The following PDE10A variants were observed in gnomAD, a reference collection of about 807,000 sequenced individuals.
PDE10A encodes the protein phosphodiesterase 10A, also known as cAMP and cAMP-inhibited cGMP 3',5'-cyclic phosphodiesterase 10A.
Under a neutral mutation model 97.7 loss-of-function variants are expected in PDE10A, and 39 were observed. The observed-to-expected ratio is 0.40, with a 90% CI of 0.31 to 0.52. PDE10A has a LOEUF of 0.52. Among genes scored for constraint, PDE10A ranks in the 20% least tolerant of loss-of-function variants. The probability of loss-of-function intolerance (pLI) is 0.56; values close to 1 mark genes in which losing one functional copy is unlikely to be tolerated. For missense variants in PDE10A, 731 were observed against 1,047.8 expected (o/e 0.70, Z 4.17); for synonymous variants, 371 against 376.8 (o/e 0.98, Z 0.18).
At chr6:165,753,714 C>T (rs901302640) in intron 1 of PDE10A, among the ~76,000 whole-genome samples, 5 of 152,048 alleles carry the variant, frequency 3.3e-5, no homozygotes, top group African/African-American at 9.7e-5. Context: ...TTAAGTGACA[C>T]AACTTCATTT....
chr6:165,425,581 T>C (rs1789067073), intron 10 of PDE10A, among the ~76,000 whole-genome samples: 1 of 152,086 alleles, frequency 6.6e-6, no homozygotes, highest in Non-Finnish European at 1.5e-5. Context: ...AAAAATCATA[T>C]TTAACGGCAA....
intron 1 of PDE10A, among the ~76,000 whole-genome samples, chr6:165,704,434 C>A (rs1318923515): frequency 6.6e-6 from 1 of 152,150 alleles, no homozygotes; most frequent in Non-Finnish European, 1.5e-5. Context: ...ATAATAGGGA[C>A]CTAGATGTTG....
At chr6:165,386,149 C>A (rs1252044067) in intron 17 of PDE10A, among the ~76,000 whole-genome samples, 2 of 152,154 alleles carry the variant, frequency 1.3e-5, no homozygotes, top group Admixed American at 6.5e-5. Flanking sequence ...GCAAGCCCCA[C>A]ATCGCGGAGG....
chr6:165,372,140 T>C (rs1272942258), intron 18 of PDE10A, among the ~76,000 whole-genome samples: 3 of 147,776 alleles, frequency 2.0e-5, no homozygotes, highest in Admixed American at 1.4e-4. Context: ...GGGCAAAAAC[T>C]GGAAGCATTC....
chr6:165,944,221 A>C (rs188884104), intron 1 of PDE10A, among the ~76,000 whole-genome samples: 49 of 152,280 alleles, frequency 3.2e-4, no homozygotes, highest in African/African-American at 1.2e-3. Context: ...CCATAATTCA[A>C]TTACCTCTCA....
At chr6:165,523,098 T>A (rs182785720) in intron 2 of PDE10A, among the ~76,000 whole-genome samples, 2 of 151,988 alleles carry the variant, frequency 1.3e-5, no homozygotes, top group East Asian at 3.9e-4. Flanking sequence ...AAGAGAACTA[T>A]GAAACACTGA....
chr6:165,962,166 A>C (rs992280265), intron 1 of PDE10A, among the ~76,000 whole-genome samples: 1 of 152,236 alleles, frequency 6.6e-6, no homozygotes, highest in African/African-American at 2.4e-5. Context: ...GCCTCTGTGC[A>C]TGGTGCACAT....
intron 1 of PDE10A, among the ~76,000 whole-genome samples, chr6:165,645,394 A>T (rs1201927892): frequency 6.6e-6 from 1 of 152,178 alleles, no homozygotes; most frequent in Non-Finnish European, 1.5e-5. Flanking sequence ...GTGGGCAAGG[A>T]AACCCAAATA....
chr6:165,958,033 G>A (rs936068162), intron 1 of PDE10A, among the ~76,000 whole-genome samples: 4 of 152,258 alleles, frequency 2.6e-5, no homozygotes, highest in Non-Finnish European at 5.9e-5. Context: ...TTCCATTCCA[G>A]GAGAAAATTA....
chr6:165,834,214 C>A (rs978633635), intron 1 of PDE10A, among the ~76,000 whole-genome samples: 1 of 152,214 alleles, frequency 6.6e-6, no homozygotes, highest in Non-Finnish European at 1.5e-5. Context: ...GCCAGGTACC[C>A]AGGTGACACT....
chr6:165,645,652 G>A (rs1367156482), intron 1 of PDE10A, among the ~76,000 whole-genome samples: 1 of 151,962 alleles, frequency 6.6e-6, no homozygotes, highest in African/African-American at 2.4e-5. Flanking sequence ...TGAGGAGTTC[G>A]AGACCAGCCT....
intron 1 of PDE10A, among the ~76,000 whole-genome samples, chr6:165,644,606 C>T (rs1205746240): frequency 2.0e-5 from 3 of 152,204 alleles, no homozygotes; most frequent in African/African-American, 7.2e-5. Flanking sequence ...CTTGATCACC[C>T]GTCTTCTAAC....
intron 1 of PDE10A, among the ~76,000 whole-genome samples, chr6:165,617,884 C>A (rs998300369): frequency 2.6e-5 from 4 of 152,000 alleles, no homozygotes; most frequent in African/African-American, 4.8e-5. Context: ...AATGATCACA[C>A]AAAAAATTAA....
At chr6:165,451,965 C>G (rs1329811744) in intron 3 of PDE10A, among the ~76,000 whole-genome samples, 2 of 152,180 alleles carry the variant, frequency 1.3e-5, no homozygotes, top group South Asian at 2.1e-4. Flanking sequence ...GTTGAAACCT[C>G]AGAACTTCCC....
rs570910244 is a variant in PDE10A at position 165,421,917 on chromosome 6, C to T, written c.1654-3140G>A. ...TCTCTACTAAAAATACAAAAATTAG[C>T]TGCGCATGGTGGCATGCGTCTGTTG... On this transcript the variant is annotated intron_variant, in intron 10 of 21. Transcript: ENST00000539869. 5.2e-4 allele frequency among the ~76,000 whole-genome samples: 79 copies of T among 152,246 alleles called. 1 individual carries two copies. The highest frequency in any genetic ancestry group is 1.0e-3 in the Non-Finnish European group (70 of 68,026).
At chr6:165,886,678 T>C (rs191376188) in intron 1 of PDE10A, among the ~76,000 whole-genome samples, 1 of 152,330 alleles carries the variant, frequency 6.6e-6, no homozygotes, top group East Asian at 1.9e-4. Flanking sequence ...TGGCTTGGTT[T>C]GGGGTTCAGA....
At chr6:165,790,910 A>AC (rs1262503695) in intron 1 of PDE10A, among the ~76,000 whole-genome samples, 3 of 152,126 alleles carry the variant, frequency 2.0e-5, no homozygotes, top group Non-Finnish European at 4.4e-5. Flanking sequence ...ACAATGCATT[A>AC]CCGTTGACTA....
intron 1 of PDE10A, among the ~76,000 whole-genome samples, chr6:165,977,488 A>G (rs189157187): frequency 3.9e-5 from 6 of 152,334 alleles, no homozygotes; most frequent in Admixed American, 1.3e-4. Context: ...TTCAACATCC[A>G]TGGTAGAGAG....
At chr6:165,660,780 GCAGA>G (rs1197076583) in intron 1 of PDE10A, 1 of 152,274 alleles carries the variant, frequency 6.6e-6, no homozygotes, top group Non-Finnish European at 1.5e-5. Context: ...TGAGCGAGGC[GCAGA>G]CAAAGGCTCG....
Sources: gnomAD v4.1 joint callset for allele counts (sites outside exome capture counted in the v4.1 genomes callset) on GRCh38, gnomAD v4.1.1 for gene constraint, MANE v1.5 for transcripts, NCBI Gene and HGNC (gene_info 2026-07-23, HGNC 2026-07-21) for gene names.